LRRC58: variants seen among roughly 807,000 people sequenced by gnomAD.
LRRC58 encodes the protein leucine-rich repeat-containing protein 58.
In LRRC58, 18 loss-of-function variants were observed where a neutral mutation model predicts 30.6. The observed-to-expected ratio is 0.59, with a 90% CI of 0.41 to 0.87. LRRC58 has a LOEUF of 0.87. LRRC58 is among the 40% of genes least tolerant of loss of function. The pLI, the probability that LRRC58 is intolerant of heterozygous loss-of-function variation, is 0.00. For synonymous variants in LRRC58, 221 were observed against 206.0 expected, an observed-to-expected ratio of 1.07 and a Z score of -0.62; for missense variants, 420 against 468.4, an observed-to-expected ratio of 0.90 and a Z score of 0.95.
In LRRC58 at chr3:120,330,595, T is replaced by C. The variant is rs1447873649; in HGVS notation, c.*605A>G. 6.6e-6 allele frequency: 1 copy of C among 152,246 alleles called. No homozygotes were observed. Among genetic ancestry groups the C allele is most frequent in the Non-Finnish European group, 1.5e-5 (1 of 68,096 alleles). 9.4% of individuals were successfully genotyped at this position (152,246 alleles called of 1,614,324 possible). On this transcript the variant is annotated 3_prime_UTR_variant, in exon 4 of 4. Coordinates refer to ENST00000295628, the MANE Select transcript of LRRC58 (RefSeq NM_001099678.2). The stretch of plus-strand genomic sequence containing the variant: ...ATAATAATGAAAAAGTTTTAATATC[T>C]CATGTAAATGTTATATGCCTTACTT...
At chr3:120,335,765 C>T (rs923717439) in intron 2 of LRRC58, 60 bp downstream of exon 2, 4 of 1,359,196 alleles carry the variant, frequency 2.9e-6, no homozygotes, top group Middle Eastern at 1.9e-4. Context: ...TGAGTGAATA[C>T]AAGACAATAA....
intron 1 of LRRC58, among the ~76,000 whole-genome samples, chr3:120,340,636 G>A (rs1935892789): frequency 6.6e-6 from 1 of 152,200 alleles, no homozygotes; most frequent in South Asian, 2.1e-4. Context: ...CACTTTGGGA[G>A]GCTGAGGCAG....
At chr3:120,345,820 T>C (rs1935961294) in intron 1 of LRRC58, among the ~76,000 whole-genome samples, 2 of 152,242 alleles carry the variant, frequency 1.3e-5, no homozygotes, top group African/African-American at 2.4e-5. Flanking sequence ...AAAGATATCA[T>C]ACATTATTGG....
intron 1 of LRRC58, among the ~76,000 whole-genome samples, chr3:120,345,161 T>C (rs1409304541): frequency 3.3e-5 from 5 of 152,112 alleles, no homozygotes; most frequent in Non-Finnish European, 5.9e-5. Flanking sequence ...TAATAGGGTA[T>C]AGAAAACATA....
chr3:120,334,104 A>C (rs1465062119), intron 3 of LRRC58, among the ~76,000 whole-genome samples: 2 of 152,202 alleles, frequency 1.3e-5, no homozygotes, highest in Non-Finnish European at 2.9e-5. Context: ...AAAGAATATA[A>C]AGTTTTGGGT....
At chr3:120,339,506 CT>C (rs1038762621) in intron 1 of LRRC58, among the ~76,000 whole-genome samples, 8 of 152,030 alleles carry the variant, frequency 5.3e-5, no homozygotes, top group Admixed American at 5.2e-4. Context: ...TCTTTGAGTC[CT>C]TTGTTTCTGG....
At position 120,331,143 on chromosome 3, in the gene LRRC58, C is replaced by T; in HGVS notation, c.*57G>A. 6.9e-7 allele frequency: 1 copy of T among 1,443,624 alleles called. No homozygotes were observed. The highest frequency in any genetic ancestry group is 9.7e-7 in the Non-Finnish European group (1 of 1,027,758). The allele number at this position is 1,443,624 out of a possible 1,614,324, so 89.4% of individuals were successfully genotyped here. ...TCTAGTGAACTTCAAGCTCTATTTT[C>T]TTGTCTAACCATTTTGCTCAGTTTT... On this transcript the variant is annotated 3_prime_UTR_variant, in exon 4 of 4. Coordinates refer to ENST00000295628, the MANE Select transcript of LRRC58 (RefSeq NM_001099678.2).
chr3:120,335,183 A>C, intron 2 of LRRC58, 44 bp from the exon 3 acceptor site: 1 of 1,527,504 alleles, frequency 6.5e-7, no homozygotes, highest in Non-Finnish European at 9.0e-7. Flanking sequence ...TAAACAACGT[A>C]ACTATCAAAA....
intron 3 of LRRC58, among the ~76,000 whole-genome samples, chr3:120,334,290 G>T (rs764689699): frequency 2.0e-5 from 3 of 152,054 alleles, no homozygotes; most frequent in Non-Finnish European, 4.4e-5. Flanking sequence ...GGATCACAAG[G>T]TCAGGAGATC....
chr3:120,326,565 T>C lies in LRRC58; in HGVS notation c.*4635A>G, dbSNP rs1935676671. On this transcript the variant is annotated 3_prime_UTR_variant, in exon 4 of 4. Transcript: ENST00000295628. ...AATACAGAAGGAATCAGAAATGTAT[T>C]ATAGGTCACATTGAATAAAAATCTA... 1 of 152,216 alleles carries C rather than the reference T, an allele frequency of 6.6e-6. No individual in the cohort carries two copies. The allele number at this position is 152,216 out of a possible 1,614,324, so 9.4% of individuals were successfully genotyped here.
At chr3:120,335,751 CAT>C (rs1474730942) in intron 2 of LRRC58, 72 bp downstream of exon 2, 44 of 1,195,554 alleles carry the variant, frequency 3.7e-5, no homozygotes, top group Admixed American at 4.5e-5. Context: ...CATATAAAAA[CAT>C]GTGAGTGAAT....
At chr3:120,333,075 C>T (rs930196305) in intron 3 of LRRC58, among the ~76,000 whole-genome samples, 1 of 131,118 alleles carries the variant, frequency 7.6e-6, no homozygotes, top group African/African-American at 3.0e-5. Context: ...CTGGGCAATA[C>T]AGCGAGACTC....
In LRRC58 at chr3:120,325,185, C is replaced by A. The variant is rs1367492667; in HGVS notation, c.*6015G>T. On this transcript the variant is annotated 3_prime_UTR_variant, in exon 4 of 4. Transcript: ENST00000295628. ...TTAATATTCTTTCTCAATATCACAA[C>A]AATGTTAACAATTTAAGTTAGTGAA... 1 of 152,176 alleles carries A rather than the reference C, an allele frequency of 6.6e-6. No individual in the cohort carries two copies. The highest frequency in any genetic ancestry group is 1.5e-5 in the Non-Finnish European group (1 of 68,026). The allele number at this position is 152,176 out of a possible 1,614,324, so 9.4% of individuals were successfully genotyped here. A position where few individuals can be genotyped will look rare whatever the true frequency, so the allele number is the denominator to read the frequency against.
chr3:120,328,867 A>G lies in LRRC58; in HGVS notation c.*2333T>C, dbSNP rs1228370330. On this transcript the variant is annotated 3_prime_UTR_variant, in exon 4 of 4. Coordinates refer to ENST00000295628, the MANE Select transcript of LRRC58 (RefSeq NM_001099678.2). ...ATTACCAAAAGACAGTTGTATGCTG[A>G]TCATAGAGTTTTCAACTATACATAG... The G allele has an allele frequency of 6.6e-6, 1 of 152,230 alleles. No individual in the cohort carries two copies. Among genetic ancestry groups the G allele is most frequent in the Non-Finnish European group, 1.5e-5 (1 of 68,026 alleles). The allele number at this position is 152,230 out of a possible 1,614,324, so 9.4% of individuals were successfully genotyped here.
intron 1 of LRRC58, among the ~76,000 whole-genome samples, chr3:120,346,554 G>T (rs1036122481): frequency 6.6e-6 from 1 of 152,158 alleles, no homozygotes; most frequent in African/African-American, 2.4e-5. Context: ...TGCATTGTAA[G>T]TATTAAATAA....
In LRRC58 at chr3:120,347,376, ATTCTT is replaced by A. The variant is rs1381632442; in HGVS notation, c.500+1363_500+1367del. ...AAGAGTTCTTTTTTCCCAGGCCAAT[ATTCTT>A]TTTTTTTTTTTTTTTTTTTTTGAGA... On this transcript the variant is annotated intron_variant, in intron 1 of 3. Transcript: ENST00000295628. Among the ~76,000 whole-genome samples, 49 of 51,096 alleles carry A rather than the reference ATTCTT, an allele frequency of 9.6e-4. 2 individuals carry two copies. Among genetic ancestry groups the A allele is most frequent in the Non-Finnish European group, 1.7e-3 (45 of 26,356 alleles). The allele number at this position is 51,096 out of a possible 152,430, so 33.5% of individuals were successfully genotyped here.
chr3:120,348,757 C>T lies in LRRC58; in HGVS notation c.487G>A (p.Glu163Lys). 1 of 1,585,030 alleles carries T rather than the reference C, an allele frequency of 6.3e-7. No homozygotes were observed. The highest frequency in any genetic ancestry group is 8.6e-7 in the Non-Finnish European group (1 of 1,165,676). Residue 163 changes from glutamate to lysine, a missense_variant, in exon 1 of 4, where the codon GAG (glutamate) becomes AAG (lysine). Coordinates refer to ENST00000295628, the MANE Select transcript of LRRC58 (RefSeq NM_001099678.2). ...ACACCCGCTCACCTCTGCAAGTTCT[C>T]GATCTCAGCCGGGATGCTCTGCAGT... The part of the protein sequence containing the change: ...NQLQSIPAEI[E>K]NLQSLECLYL...
intron 1 of LRRC58, among the ~76,000 whole-genome samples, chr3:120,348,513 G>A (rs1376706628): frequency 6.6e-6 from 1 of 152,188 alleles, no homozygotes; most frequent in African/African-American, 2.4e-5. Context: ...CAGAAAAAAT[G>A]CCTCGAGAAT....
chr3:120,337,512 A>AAT lies in LRRC58; in HGVS notation c.501-1561_501-1560dup, dbSNP rs145779854. Among the ~76,000 whole-genome samples the AAT allele has an allele frequency of 7.0e-4, 106 of 151,352 alleles. 1 individual carries two copies. The South Asian group carries it at 0.011, about 16-fold the overall frequency. On this transcript the variant is annotated intron_variant, in intron 1 of 3. Transcript: ENST00000295628. ...TTTGTTGGGAGTTCTGCTGTTGTTA[A>AAT]ATATATATATATATTCTGCATAACT...
Sources: allele counts gnomAD v4.1 joint callset (sites outside exome capture counted in the v4.1 genomes callset), GRCh38; gene constraint gnomAD v4.1.1; transcripts MANE v1.5; gene names NCBI Gene and HGNC (gene_info 2026-07-23, HGNC 2026-07-21).